HIVEP1: variants seen among roughly 807,000 people sequenced by gnomAD.
HIVEP1 encodes zinc finger protein 40.
HIVEP1 carries 36 observed loss-of-function variants against 180.0 expected under a neutral mutation model. The ratio of observed to expected loss-of-function variants is 0.20; its 90% CI spans 0.15 to 0.26. The LOEUF (loss-of-function observed/expected upper bound fraction) is 0.26. HIVEP1 is among the 10% of genes least tolerant of loss of function. The probability of loss-of-function intolerance (pLI) is 1.00; values close to 1 mark genes in which losing one functional copy is unlikely to be tolerated. For synonymous variants in HIVEP1, 1,239 were observed against 1,239.0 expected, an observed-to-expected ratio of 1.00 and a Z score of 0.00; for missense variants, 3,143 against 3,268.7, an observed-to-expected ratio of 0.96 and a Z score of 0.94.
intron 2 of HIVEP1, among the ~76,000 whole-genome samples, chr6:12,026,097 G>A (rs1237343209): frequency 1.3e-5 from 2 of 151,746 alleles, no homozygotes; most frequent in Non-Finnish European, 1.5e-5. Flanking sequence ...TTTGTCTTCC[G>A]GGAGCAGTGA....
the HIVEP1 span, among the ~76,000 whole-genome samples, chr6:12,207,977 G>C: frequency 0.56 from 84,464 of 150,900 alleles, 25,907 homozygotes; most frequent in East Asian, 0.8. Context: ...GAATTCAGCT[G>C]TGTCACTCAC....
the HIVEP1 span, among the ~76,000 whole-genome samples, chr6:12,186,685 T>C: frequency 1.3e-5 from 2 of 151,970 alleles, no homozygotes; most frequent in Non-Finnish European, 2.9e-5. Flanking sequence ...ATCCAAACTC[T>C]CAGCAACATA....
chr6:12,036,866 C>A (rs1472687306), intron 2 of HIVEP1, among the ~76,000 whole-genome samples: 1 of 152,208 alleles, frequency 6.6e-6, no homozygotes, highest in South Asian at 2.1e-4. Context: ...TGAGATTGCA[C>A]CACTGCACTC....
intron 2 of HIVEP1, among the ~76,000 whole-genome samples, chr6:12,066,202 T>G (rs1349936822): frequency 6.6e-6 from 1 of 152,162 alleles, no homozygotes; most frequent in Non-Finnish European, 1.5e-5. Context: ...TTTCCATTGG[T>G]TTTAAGAGCT....
At chr6:12,102,335 C>T (rs1262893569) in intron 3 of HIVEP1, among the ~76,000 whole-genome samples, 1 of 152,104 alleles carries the variant, frequency 6.6e-6, no homozygotes, top group African/African-American at 2.4e-5. Context: ...AGACCATCAC[C>T]TAGGCCATAA....
At chr6:12,160,672 TAGAC>T (rs1760340766) in intron 7 of HIVEP1, among the ~76,000 whole-genome samples, 1 of 152,242 alleles carries the variant, frequency 6.6e-6, no homozygotes, top group Non-Finnish European at 1.5e-5. Flanking sequence ...AGTAGACTGT[TAGAC>T]AGTTCTGTCA....
upstream of HIVEP1, among the ~76,000 whole-genome samples, chr6:12,011,653 G>A (rs1005797544): frequency 6.7e-6 from 1 of 149,338 alleles, no homozygotes; most frequent in Admixed American, 6.6e-5. Context: ...GGCGGGGAGG[G>A]GCGAAGCGGC....
upstream of HIVEP1, among the ~76,000 whole-genome samples, chr6:12,011,599 C>CGG (rs1767311331): frequency 1.3e-5 from 2 of 150,076 alleles, 1 homozygote; most frequent in South Asian, 4.2e-4. Flanking sequence ...CTGCCACCTC[C>CGG]TCCCGCGTCC....
At chr6:12,051,197 A>G (rs1402304860) in intron 2 of HIVEP1, among the ~76,000 whole-genome samples, 4 of 151,680 alleles carry the variant, frequency 2.6e-5, no homozygotes, top group Non-Finnish European at 5.9e-5. Context: ...GCCAGCACCA[A>G]TACCACCATT....
chr6:12,085,620 G>A (rs1424797162), intron 2 of HIVEP1, among the ~76,000 whole-genome samples: 1 of 152,106 alleles, frequency 6.6e-6, no homozygotes, highest in Admixed American at 6.5e-5. Flanking sequence ...TAAAAACACA[G>A]CATTCATTGA....
At chr6:12,028,337 C>T (rs1157313764) in intron 2 of HIVEP1, among the ~76,000 whole-genome samples, 1 of 152,126 alleles carries the variant, frequency 6.6e-6, no homozygotes, top group Non-Finnish European at 1.5e-5. Flanking sequence ...TAGTTGAAGA[C>T]ATAAAGGCCA....
intron 2 of HIVEP1, among the ~76,000 whole-genome samples, chr6:12,034,176 A>G (rs1769131657): frequency 6.6e-6 from 1 of 152,216 alleles, no homozygotes; most frequent in Admixed American, 6.5e-5. Flanking sequence ...ATTTTTTTGT[A>G]AGAGTCAAGC....
intron 3 of HIVEP1, 135 bp from the exon 4 acceptor site, chr6:12,119,754 TA>T: frequency 1.6e-6 from 1 of 611,972 alleles, no homozygotes; most frequent in Non-Finnish European, 2.7e-6. Flanking sequence ...CAATTTTATT[TA>T]AAAAATAGAC....
intron 2 of HIVEP1, among the ~76,000 whole-genome samples, chr6:12,083,710 C>G (rs974098620): frequency 6.6e-6 from 1 of 152,100 alleles, no homozygotes; most frequent in Non-Finnish European, 1.5e-5. Context: ...ATATCCTTTT[C>G]TATGTAATAT....
chr6:12,153,588 A>C (rs1390935623), intron 7 of HIVEP1, among the ~76,000 whole-genome samples: 1 of 151,814 alleles, frequency 6.6e-6, no homozygotes, highest in Admixed American at 6.6e-5. Context: ...AAAAAAAAAA[A>C]AAAAATAGAT....
intron 2 of HIVEP1, among the ~76,000 whole-genome samples, chr6:12,082,511 T>G (rs1365412409): frequency 1.3e-5 from 2 of 152,072 alleles, no homozygotes; most frequent in Non-Finnish European, 2.9e-5. Context: ...GCGGTCAAAT[T>G]TTTTCATAGA....
At chr6:12,020,557 C>A in intron 2 of HIVEP1, 1 of 403,378 alleles carries the variant, frequency 2.5e-6, no homozygotes, top group Non-Finnish European at 5.2e-6. Flanking sequence ...GAGTTGGTGA[C>A]TTGCAGGGGG....
chr6:12,125,190 G>T lies in HIVEP1; in HGVS notation c.5395G>T (p.Val1799Leu). The change falls in exon 4 of 9, where the codon GTG (valine) becomes TTG (leucine). Residue 1799 changes from valine (V) to leucine (L), a missense_variant. By Grantham distance (32) the Val-to-Leu change is conservative. This residue lies in a region of HIVEP1 where 1,357 missense variants were observed against 1,260.5 expected (regional missense o/e 1.08). Transcript: ENST00000379388. Reference sequence around the variant, plus strand: ...TAGTAAACAGAAGAAGCCTATTTTAGTGAGACAGGTTTGTACTACAGAGCC... The same window carrying T: ...TAGTAAACAGAAGAAGCCTATTTTATTGAGACAGGTTTGTACTACAGAGCC... ...EASKQKKPIL[V>L]RQVCTTEPLD... 6.2e-7 allele frequency: 1 copy of T among 1,614,154 alleles called. No homozygotes were observed. The highest frequency in any genetic ancestry group is 1.6e-4 in the Middle Eastern group (1 of 6,062).
chr6:12,106,083 C>CAT (rs1046197457), intron 3 of HIVEP1, among the ~76,000 whole-genome samples: 2 of 151,472 alleles, frequency 1.3e-5, no homozygotes, highest in Non-Finnish European at 2.9e-5. Flanking sequence ...TACACACACA[C>CAT]ATATATACAT....
Sources: gnomAD v4.1 joint callset for allele counts (sites outside exome capture counted in the v4.1 genomes callset) on GRCh38, gnomAD v4.1.1 for gene constraint, gnomAD v4.1.1 regional missense constraint, MANE v1.5 for transcripts, NCBI Gene and HGNC (gene_info 2026-07-23, HGNC 2026-07-21) for gene names.